The following TTC12 variants were observed in gnomAD, a reference collection of about 807,000 sequenced individuals.
The protein encoded by TTC12 is tetratricopeptide repeat domain 12.
TTC12 carries 70 observed loss-of-function variants against 90.1 expected under a neutral mutation model. The ratio of observed to expected loss-of-function variants is 0.78; its 90% confidence interval spans 0.64 to 0.95. TTC12 has a LOEUF of 0.95. Among genes scored for constraint, TTC12 ranks in the 40% least tolerant of loss-of-function variants. The probability of loss-of-function intolerance (pLI) is 0.00; values close to 1 mark genes in which losing one functional copy is unlikely to be tolerated. For missense variants in TTC12, 819 were observed against 846.1 expected, an observed-to-expected ratio of 0.97 and a Z score of 0.40; for synonymous variants, 296 against 311.5, an observed-to-expected ratio of 0.95 and a Z score of 0.53.
chr11:113,344,094 C>T (rs1233315460), intron 12 of TTC12, among the ~76,000 whole-genome samples, 178 bp from the exon 13 acceptor site: 2 of 152,140 alleles, frequency 1.3e-5, no homozygotes, highest in African/African-American at 4.8e-5. Context: ...TTGGTAAGGT[C>T]GCTCCCCTGG....
intron 2 of TTC12, among the ~76,000 whole-genome samples, chr11:113,317,954 T>C (rs764054316): frequency 2.0e-5 from 3 of 152,236 alleles, no homozygotes; most frequent in Non-Finnish European, 4.4e-5. Flanking sequence ...TTATTGAGCA[T>C]TTGAAATATG....
intron 6 of TTC12, among the ~76,000 whole-genome samples, chr11:113,326,598 T>C (rs907684980): frequency 3.3e-5 from 5 of 152,100 alleles, no homozygotes; most frequent in African/African-American, 1.2e-4. Context: ...CCGAAACATA[T>C]GGGGAGTGAC....
intron 16 of TTC12, among the ~76,000 whole-genome samples, chr11:113,357,032 C>T (rs1185895855): frequency 6.6e-6 from 1 of 152,156 alleles, no homozygotes; most frequent in Non-Finnish European, 1.5e-5. Context: ...CAAATTGGTT[C>T]CATTCTCCTC....
In TTC12 at chr11:113,324,276, G is replaced by A. The variant is rs1190394409; in HGVS notation, c.244+261G>A. The stretch of plus-strand genomic sequence containing the variant: ...CAATTTACCCTGTTCAAGGGATCCA[G>A]ATAGTTTCTCTGTTGCTCAGCTCAG... On this transcript the variant is annotated intron_variant, in intron 4 of 21. Transcript: ENST00000529221. The A allele has an allele frequency of 1.7e-5, 9 of 534,126 alleles. No homozygotes were observed. The East Asian group carries it at 2.8e-4, about 16-fold the overall frequency. The allele number at this position is 534,126 out of a possible 1,614,324, so 33.1% of individuals were successfully genotyped here. A position where few individuals can be genotyped will look rare whatever the true frequency, so the allele number is the denominator to read the frequency against.
At chr11:113,368,305 G>A (rs556428088), downstream of TTC12, 3 of 1,541,510 alleles carry the variant, frequency 1.9e-6, no homozygotes, top group African/African-American at 1.4e-5. Context: ...CTCCAGTGTG[G>A]ATCCACCCCC....
At chr11:113,325,063 A>C (rs550061309) in intron 5 of TTC12, among the ~76,000 whole-genome samples, 105 of 152,234 alleles carry the variant, frequency 6.9e-4, no homozygotes, top group African/African-American at 2.2e-3. Context: ...ATAGGAGAGG[A>C]GACATCAAGG....
chr11:113,338,461 T>G (rs1421909716), intron 8 of TTC12, among the ~76,000 whole-genome samples: 1 of 152,242 alleles, frequency 6.6e-6, no homozygotes, highest in Non-Finnish European at 1.5e-5. Context: ...TATCTAAGTT[T>G]TGCGTTTACT....
At position 113,344,305 on chromosome 11, in the gene TTC12, A is replaced by G. The variant is rs1184967069; in HGVS notation, c.1019A>G (p.Asp340Gly). 9 of 1,613,982 alleles carry G rather than the reference A, an allele frequency of 5.6e-6. No homozygotes were observed. In the Admixed American group the frequency reaches 6.7e-5, roughly 12 times the overall value. Residue 340 changes from aspartate (D) to glycine (G), a missense_variant, in exon 13 of 22, where the codon GAC (aspartate) becomes GGC (glycine). Asp to Gly is a moderately conservative substitution (Grantham distance 94, BLOSUM62 -1). Coordinates refer to ENST00000529221, the MANE Select transcript of TTC12 (RefSeq NM_017868.4). ...ENQRVLVIHH[D>G]RARLLAALLS... The stretch of plus-strand genomic sequence containing the variant: ...CAGCGTGTGCTAGTGATACACCATG[A>G]CAGGGCCAGGCTGTTGGCCGCCCTC...
In TTC12 at chr11:113,363,915, A is replaced by G; in HGVS notation, c.1804A>G (p.Arg602Gly). 1.2e-6 allele frequency: 2 copies of G among 1,611,638 alleles called. No homozygotes were observed. The highest frequency in any genetic ancestry group is 1.7e-6 in the Non-Finnish European group (2 of 1,177,678). The change falls in exon 20 of 22, where the codon AGA becomes GGA. Residue 602 changes from arginine (R) to glycine (G), a missense_variant. Arg to Gly is a moderately radical substitution (Grantham distance 125). Coordinates refer to ENST00000529221, the MANE Select transcript of TTC12 (RefSeq NM_017868.4). The stretch of plus-strand genomic sequence containing the variant: ...TCATGAAGCTCGGGAAGAAGTAATA[A>G]GACTGGATAAAAGTAAGTGATGATT... ...SYHEAREEVI[R>G]LDKKLSVMMK...
chr11:113,359,330 A>G (rs782344295), intron 16 of TTC12, 33 bp from the exon 17 acceptor site: 3 of 1,470,860 alleles, frequency 2.0e-6, no homozygotes, highest in Middle Eastern at 3.5e-4. Flanking sequence ...GTAAGGCAAA[A>G]AGGTCATTGG....
intron 13 of TTC12, among the ~76,000 whole-genome samples, chr11:113,348,331 G>A (rs1351465322): frequency 6.6e-6 from 1 of 152,140 alleles, no homozygotes; most frequent in Non-Finnish European, 1.5e-5. Flanking sequence ...ATAGTATGCT[G>A]CCAGCTCTTT....
intron 18 of TTC12, 83 bp downstream of exon 18, chr11:113,360,091 A>G (rs2138068285): frequency 2.0e-6 from 1 of 498,804 alleles, no homozygotes; most frequent in South Asian, 2.5e-5. Context: ...TATCAGTGTA[A>G]TCTTTTTGAA....
At chr11:113,368,783 G>A, downstream of TTC12, 1 of 489,674 alleles carries the variant, frequency 2.0e-6, no homozygotes, top group Non-Finnish European at 3.6e-6. Flanking sequence ...AGAACTGAGG[G>A]GAAGTATGAC....
exon 22 of TTC12, chr11:113,373,287 T>A (rs1950431585): frequency 1.1e-6 from 1 of 923,722 alleles, no homozygotes; most frequent in South Asian, 5.0e-5. Context: ...AATGACTTCA[T>A]TGTTATGAAA....
chr11:113,347,283 G>A (rs1949022364), intron 13 of TTC12, among the ~76,000 whole-genome samples: 1 of 152,154 alleles, frequency 6.6e-6, no homozygotes, highest in African/African-American at 2.4e-5. Context: ...CAGAAGCTTG[G>A]CGTCACCTGG....
chr11:113,325,826 T>G, intron 6 of TTC12, 181 bp downstream of exon 6: 1 of 707,498 alleles, frequency 1.4e-6, no homozygotes, highest in Non-Finnish European at 2.2e-6. Context: ...ATGCAAATAT[T>G]CTCACCATGA....
chr11:113,324,349 A>G, intron 4 of TTC12: 1 of 541,358 alleles, frequency 1.8e-6, no homozygotes, highest in Non-Finnish European at 3.2e-6. Flanking sequence ...TCAAAGAAAA[A>G]CTCTTTTAAA....
At chr11:113,356,849 G>T (rs1555152608) in intron 16 of TTC12, among the ~76,000 whole-genome samples, 1 of 151,954 alleles carries the variant, frequency 6.6e-6, no homozygotes, top group African/African-American at 2.4e-5. Context: ...CTCTCTAGTT[G>T]CCTTTAATAT....
chr11:113,371,810 T>C (rs977029260), intron 21 of TTC12, among the ~76,000 whole-genome samples: 3 of 152,188 alleles, frequency 2.0e-5, no homozygotes, highest in Non-Finnish European at 2.9e-5. Flanking sequence ...GCCCCTCGAT[T>C]GCCTTGTCTG....
Sources: allele counts gnomAD v4.1 joint callset (sites outside exome capture counted in the v4.1 genomes callset), GRCh38; gene constraint gnomAD v4.1.1; transcripts MANE v1.5; gene names NCBI Gene and HGNC (gene_info 2026-07-23, HGNC 2026-07-21).